Variants in SH3GL2 observed in about 807,000 individuals in gnomAD.
SH3GL2 encodes SH3 domain containing GRB2 like 2, endophilin A1, also known as endophilin-A1.
SH3GL2 carries 24 observed loss-of-function variants against 46.0 expected under a neutral mutation model. That is an observed-to-expected ratio of 0.52 (90% CI 0.38 to 0.73). The LOEUF (loss-of-function observed/expected upper bound fraction) is 0.73. SH3GL2 is among the 30% of genes least tolerant of loss of function. The probability of loss-of-function intolerance (pLI) is 0.00; values close to 1 mark genes in which losing one functional copy is unlikely to be tolerated. For synonymous variants in SH3GL2, 196 were observed against 147.1 expected, an observed-to-expected ratio of 1.33 and a Z score of -2.40; for missense variants, 413 against 424.2, an observed-to-expected ratio of 0.97 and a Z score of 0.23.
chr9:17,631,575 A>G (rs749266839), intron 1 of SH3GL2, among the ~76,000 whole-genome samples: 12 of 152,174 alleles, frequency 7.9e-5, no homozygotes, highest in Non-Finnish European at 1.5e-4. Context: ...ATCATACTGG[A>G]TGTTCACATC....
chr9:17,713,858 G>A (rs1031843991), intron 1 of SH3GL2, among the ~76,000 whole-genome samples: 1 of 151,548 alleles, frequency 6.6e-6, no homozygotes, highest in Non-Finnish European at 1.5e-5. Flanking sequence ...TTTTGTCATC[G>A]TTGGATGGAG....
At chr9:17,647,000 G>A (rs1027246569) in intron 1 of SH3GL2, among the ~76,000 whole-genome samples, 1 of 152,138 alleles carries the variant, frequency 6.6e-6, no homozygotes, top group Non-Finnish European at 1.5e-5. Context: ...CAGTTGTTCT[G>A]TCCCAGGGAG....
At chr9:17,723,509 C>T (rs1411034582) in intron 1 of SH3GL2, among the ~76,000 whole-genome samples, 1 of 152,098 alleles carries the variant, frequency 6.6e-6, no homozygotes, top group Non-Finnish European at 1.5e-5. Context: ...AGAAATGTAT[C>T]TCAATAATTT....
At chr9:17,700,031 G>T (rs11791082) in intron 1 of SH3GL2, among the ~76,000 whole-genome samples, 1 of 146,706 alleles carries the variant, frequency 6.8e-6, no homozygotes, top group African/African-American at 2.7e-5. Flanking sequence ...TCCTTGTCAC[G>T]CTTGCTGATG....
chr9:17,579,726 C>G (rs1319155999), intron 1 of SH3GL2, among the ~76,000 whole-genome samples: 3 of 152,274 alleles, frequency 2.0e-5, no homozygotes, highest in African/African-American at 7.2e-5. Context: ...GGTGGCCGCA[C>G]TGGGGGTGGC....
At chr9:17,720,773 CCTAATGGT>C (rs568003777) in intron 1 of SH3GL2, among the ~76,000 whole-genome samples, 3 of 152,028 alleles carry the variant, frequency 2.0e-5, no homozygotes, top group Non-Finnish European at 4.4e-5. Flanking sequence ...TTTCAGAAAG[CCTAATGGT>C]CTTGGTATTG....
At chr9:17,753,476 T>C (rs1480640475) in intron 2 of SH3GL2, among the ~76,000 whole-genome samples, 1 of 152,224 alleles carries the variant, frequency 6.6e-6, no homozygotes, top group Non-Finnish European at 1.5e-5. Flanking sequence ...AAATGTCTTC[T>C]TTTGAAAAGT....
chr9:17,753,635 T>C (rs1439205465), intron 2 of SH3GL2, among the ~76,000 whole-genome samples: 4 of 152,234 alleles, frequency 2.6e-5, no homozygotes, highest in Non-Finnish European at 5.9e-5. Context: ...GTCTTTTTAC[T>C]CCGTTGGTAG....
At chr9:17,778,416 G>C (rs995729051) in intron 3 of SH3GL2, among the ~76,000 whole-genome samples, 1 of 152,122 alleles carries the variant, frequency 6.6e-6, no homozygotes, top group Admixed American at 6.6e-5. Context: ...AAGAGTAAGA[G>C]GGGGAGAGAG....
At chr9:17,704,806 TG>T (rs1821428904) in intron 1 of SH3GL2, among the ~76,000 whole-genome samples, 1 of 152,092 alleles carries the variant, frequency 6.6e-6, no homozygotes, top group Non-Finnish European at 1.5e-5. Flanking sequence ...AAGACTTAAA[TG>T]TAAAACCTAA....
At chr9:17,765,563 A>C (rs1311206904) in intron 3 of SH3GL2, among the ~76,000 whole-genome samples, 1 of 152,202 alleles carries the variant, frequency 6.6e-6, no homozygotes, top group Non-Finnish European at 1.5e-5. Flanking sequence ...ATGGCTTTTC[A>C]TGCCTTTAGG....
chr9:17,587,031 G>A (rs539033492), intron 1 of SH3GL2, among the ~76,000 whole-genome samples: 6 of 152,204 alleles, frequency 3.9e-5, no homozygotes, highest in East Asian at 1.9e-4. Context: ...GCAAAACCTC[G>A]TCTCTACTAA....
At position 17,682,181 on chromosome 9, in the gene SH3GL2, A is replaced by G. The variant is rs190825331; in HGVS notation, c.46-64885A>G. ...TCCTCAAGGATCTACAACCAGAACT[A>G]CCGTTTGACCCAGCAATCCCATTAC... On this transcript the variant is annotated intron_variant, in intron 1 of 8. Transcript: ENST00000380607. Among the ~76,000 whole-genome samples the G allele has an allele frequency of 1.8e-3, 275 of 152,264 alleles. 2 individuals carry two copies. The highest frequency in any genetic ancestry group is 6.2e-3 in the African/African-American group (258 of 41,538).
chr9:17,681,302 A>G (rs1374645319), intron 1 of SH3GL2, among the ~76,000 whole-genome samples: 1 of 152,130 alleles, frequency 6.6e-6, no homozygotes, highest in African/African-American at 2.4e-5. Flanking sequence ...TACAGTGAGT[A>G]GTACTTTACA....
chr9:17,623,705 TACACACACAC>T (rs10660392), intron 1 of SH3GL2, among the ~76,000 whole-genome samples: 2 of 147,796 alleles, frequency 1.4e-5, no homozygotes, highest in African/African-American at 5.0e-5. Context: ...TATAATTTCC[TACACACACAC>T]ACACACACAC....
intron 1 of SH3GL2, among the ~76,000 whole-genome samples, chr9:17,621,623 G>A (rs1184140038): frequency 2.0e-5 from 3 of 152,160 alleles, no homozygotes; most frequent in Non-Finnish European, 4.4e-5. Context: ...TTGATGTCAG[G>A]ATGATACTTC....
At chr9:17,739,621 G>GCTA (rs1822466018) in intron 1 of SH3GL2, among the ~76,000 whole-genome samples, 1 of 14,502 alleles carries the variant, frequency 6.9e-5, no homozygotes, top group Non-Finnish European at 1.3e-4. Context: ...AGAAATGCCA[G>GCTA]TTAATTTTAT....
At chr9:17,614,323 A>AAAAAAAC (rs1818938821) in intron 1 of SH3GL2, among the ~76,000 whole-genome samples, 1 of 146,776 alleles carries the variant, frequency 6.8e-6, no homozygotes, top group Non-Finnish European at 1.5e-5. Flanking sequence ...AAAAAAAAAA[A>AAAAAAAC]TCCTTGCCCC....
At chr9:17,758,767 A>T (rs1823082354) in intron 2 of SH3GL2, among the ~76,000 whole-genome samples, 1 of 114,624 alleles carries the variant, frequency 8.7e-6, no homozygotes, top group Non-Finnish European at 1.9e-5. Flanking sequence ...TTTAGGTAGA[A>T]CTTGCTCTGT....
Sources: allele counts gnomAD v4.1 joint callset (sites outside exome capture counted in the v4.1 genomes callset), GRCh38; gene constraint gnomAD v4.1.1; transcripts MANE v1.5; gene names NCBI Gene and HGNC (gene_info 2026-07-23, HGNC 2026-07-21).